The following RBFOX1 variants were observed in gnomAD, a reference collection of about 807,000 sequenced individuals.
RBFOX1 encodes the protein RNA binding protein fox-1 homolog 1.
Under a neutral mutation model 57.7 loss-of-function variants are expected in RBFOX1, and 8 were observed. The ratio of observed to expected loss-of-function variants is 0.14; its 90% CI spans 0.08 to 0.25. RBFOX1 has a LOEUF of 0.25. RBFOX1 is among the 10% of genes least tolerant of loss of function. The pLI, the probability that RBFOX1 is intolerant of heterozygous loss-of-function variation, is 1.00. For synonymous variants in RBFOX1, 326 were observed against 222.4 expected (o/e 1.47, Z -4.15); for missense variants, 611 against 548.5 (o/e 1.11, Z -1.14).
chr16:7,506,347 C>T lies in RBFOX1; in HGVS notation c.28-11800C>T, dbSNP rs138239126. Among the ~76,000 whole-genome samples the T allele has an allele frequency of 2.0e-3, 301 of 152,158 alleles. 1 individual carries two copies. The highest frequency in any genetic ancestry group is 4.1e-3 in the South Asian group (20 of 4,820). On this transcript the variant is annotated intron_variant, in intron 4 of 15. Coordinates refer to ENST00000550418, the MANE Select transcript of RBFOX1 (RefSeq NM_018723.4). ...TTCTGACAGATTTGGGTACCTGGCA[C>T]TAACAAGTTGTGTGAGCATGAGCAA...
At chr16:6,731,992 A>G (rs1162767752) in intron 3 of RBFOX1, among the ~76,000 whole-genome samples, 1 of 152,168 alleles carries the variant, frequency 6.6e-6, no homozygotes, top group Admixed American at 6.5e-5. Context: ...ATCAAAAGGG[A>G]AGATTTTTTT....
chr16:5,989,561 G>A (rs1267359549), intron 4 of RBFOX1, among the ~76,000 whole-genome samples: 2 of 152,132 alleles, frequency 1.3e-5, no homozygotes, highest in Non-Finnish European at 2.9e-5. Context: ...TGTGGATTCA[G>A]CAAGGGCTCG....
chr16:7,162,855 C>G (rs904282852), intron 4 of RBFOX1, among the ~76,000 whole-genome samples: 1 of 152,210 alleles, frequency 6.6e-6, no homozygotes, highest in Non-Finnish European at 1.5e-5. Flanking sequence ...GACTTCAAAG[C>G]TGGAGAAGCA....
At chr16:6,928,126 A>G (rs2075937041) in intron 3 of RBFOX1, among the ~76,000 whole-genome samples, 1 of 152,198 alleles carries the variant, frequency 6.6e-6, no homozygotes, top group East Asian at 1.9e-4. Flanking sequence ...AGATGGCACA[A>G]TTCTTAGTGT....
chr16:5,822,806 A>T (rs1321055424), intron 3 of RBFOX1, among the ~76,000 whole-genome samples: 1 of 152,186 alleles, frequency 6.6e-6, no homozygotes, highest in African/African-American at 2.4e-5. Context: ...TTTGGAACCT[A>T]GCTGCCCAGG....
intron 2 of RBFOX1, among the ~76,000 whole-genome samples, chr16:6,636,110 C>G (rs1321397163): frequency 6.6e-6 from 1 of 152,152 alleles, no homozygotes; most frequent in Non-Finnish European, 1.5e-5. Flanking sequence ...GAATTTTCCA[C>G]TTGTGGCATC....
At chr16:7,337,313 C>G (rs911789143) in intron 4 of RBFOX1, among the ~76,000 whole-genome samples, 1 of 152,004 alleles carries the variant, frequency 6.6e-6, no homozygotes, top group Non-Finnish European at 1.5e-5. Context: ...CTCTTAGAGT[C>G]GGGAAGAGGG....
chr16:6,557,018 T>C (rs565884561), intron 2 of RBFOX1, among the ~76,000 whole-genome samples: 5 of 125,698 alleles, frequency 4.0e-5, no homozygotes, highest in African/African-American at 1.6e-4. Flanking sequence ...TATATATACA[T>C]ATATATACAT....
intron 1 of RBFOX1, among the ~76,000 whole-genome samples, chr16:5,247,325 G>A (rs573240033): frequency 6.6e-6 from 1 of 152,312 alleles, no homozygotes; most frequent in East Asian, 1.9e-4. Flanking sequence ...TTTCTGTCCT[G>A]TTATCACATT....
chr16:6,488,378 A>T (rs2095552510), intron 2 of RBFOX1, among the ~76,000 whole-genome samples: 1 of 152,122 alleles, frequency 6.6e-6, no homozygotes, highest in Non-Finnish European at 1.5e-5. Flanking sequence ...GGATGTGATA[A>T]CCTGTCAACA....
intron 3 of RBFOX1, among the ~76,000 whole-genome samples, chr16:7,023,075 A>C (rs1362119470): frequency 6.6e-6 from 1 of 152,198 alleles, no homozygotes; most frequent in African/African-American, 2.4e-5. Flanking sequence ...AATCCTATGC[A>C]AAAAGCCCAG....
intron 3 of RBFOX1, among the ~76,000 whole-genome samples, chr16:6,770,824 A>G (rs567116079): frequency 6.6e-6 from 1 of 152,292 alleles, no homozygotes; most frequent in South Asian, 2.1e-4. Flanking sequence ...TGAGCAATGG[A>G]GAGAGCCCAT....
chr16:5,656,707 T>G (rs2151378843), intron 3 of RBFOX1, among the ~76,000 whole-genome samples: 1 of 152,358 alleles, frequency 6.6e-6, no homozygotes, highest in South Asian at 2.1e-4. Context: ...TCTTCATCCA[T>G]ACCCCTGCAA....
At chr16:5,391,931 A>T (rs1403353558) in intron 1 of RBFOX1, among the ~76,000 whole-genome samples, 1 of 151,888 alleles carries the variant, frequency 6.6e-6, no homozygotes, top group Non-Finnish European at 1.5e-5. Flanking sequence ...ATATACACAC[A>T]CAATGGAATA....
At chr16:6,667,986 C>T (rs895753555) in intron 3 of RBFOX1, among the ~76,000 whole-genome samples, 1 of 152,102 alleles carries the variant, frequency 6.6e-6, no homozygotes, top group Admixed American at 6.5e-5. Flanking sequence ...GACTCTGTTT[C>T]TTAGATTCCT....
At chr16:7,670,815 C>A (rs763869627) in intron 13 of RBFOX1, among the ~76,000 whole-genome samples, 8 of 152,150 alleles carry the variant, frequency 5.3e-5, no homozygotes, top group Admixed American at 4.6e-4. Context: ...AAACTGTGAC[C>A]ACTCACATGG....
chr16:5,599,982 C>G (rs2047311304), exon 3 of RBFOX1: 1 of 151,570 alleles, frequency 6.6e-6, no homozygotes, highest in Non-Finnish European at 1.5e-5. Context: ...GCCTGGGCAA[C>G]ATCTCTACAA....
rs1032504448 is a variant in RBFOX1, at chr16:6,262,130, C to T, written c.-126-54865C>T. ...GAGGTGCAGAGACTCCTTGACTTCC[C>T]TTCTATTGCGGTATTCCACCATCCA... On this transcript the variant is annotated intron_variant, in intron 1 of 15. Transcript: ENST00000550418. 5.9e-5 allele frequency among the ~76,000 whole-genome samples: 9 copies of T among 152,224 alleles called. No individual in the cohort carries two copies. In the South Asian group the frequency reaches 1.5e-3, roughly 25 times the overall value.
intron 3 of RBFOX1, among the ~76,000 whole-genome samples, chr16:7,017,888 C>G (rs9302834): frequency 0.33 from 50,647 of 152,020 alleles, 12,063 homozygotes; most frequent in African/African-American, 0.67. Context: ...GGCTTAGCAA[C>G]AACAGAGAGA....
Sources: gnomAD v4.1 joint callset for allele counts (sites outside exome capture counted in the v4.1 genomes callset) on GRCh38, gnomAD v4.1.1 for gene constraint, MANE v1.5 for transcripts, NCBI Gene and HGNC (gene_info 2026-07-23, HGNC 2026-07-21) for gene names.